Variants in NIN observed in about 807,000 individuals in gnomAD.
NIN encodes the protein glycogen synthase kinase 3 beta-interacting protein.
Under a neutral mutation model 257.6 loss-of-function variants are expected in NIN, and 137 were observed. The ratio of observed to expected loss-of-function variants is 0.53; its 90% CI spans 0.46 to 0.61. The LOEUF (loss-of-function observed/expected upper bound fraction) is 0.61. Among genes scored for constraint, NIN ranks in the 20% least tolerant of loss-of-function variants. NIN has a pLI of 0.00. For missense variants in NIN, 2,439 were observed against 2,501.2 expected (o/e 0.98, Z 0.53); for synonymous variants, 918 against 919.8 (o/e 1.00, Z 0.04).
At chr14:50,749,606 CTTCAT>C (rs2041701400) in intron 21 of NIN, among the ~76,000 whole-genome samples, 1 of 152,070 alleles carries the variant, frequency 6.6e-6, no homozygotes. Context: ...CTATTTTCTT[CTTCAT>C]TTATTAATTG....
rs1045614422 is a variant in NIN, at chr14:50,763,907, C to T, written c.1693G>A (p.Gly565Ser). 6.2e-7 allele frequency: 1 copy of T among 1,614,048 alleles called. No homozygotes were observed. Among genetic ancestry groups the T allele is most frequent in the South Asian group, 1.1e-5 (1 of 91,082 alleles). The change falls in exon 15 of 31, where the codon GGC becomes AGC. Residue 565 changes from glycine (G) to serine (S), a missense_variant. Gly to Ser is a moderately conservative substitution (Grantham distance 56). Coordinates refer to ENST00000530997, the MANE Select transcript of NIN (RefSeq NM_020921.4). Reference sequence around the variant, plus strand: ...TTCAACGGAAGCCTGAGCACTCTGCCTTGTGCACGATATTCTTCCAGCTCA... The same window carrying T: ...TTCAACGGAAGCCTGAGCACTCTGCTTTGTGCACGATATTCTTCCAGCTCA... ...QSELEEYRAQ[G>S]RVLRLPLKNS... is the part of the protein sequence containing the mutation.
intron 24 of NIN, among the ~76,000 whole-genome samples, chr14:50,742,605 A>G (rs1028105476): frequency 1.2e-4 from 18 of 152,054 alleles, no homozygotes; most frequent in African/African-American, 4.1e-4. Flanking sequence ...TGTGTTAGCC[A>G]GGATGGTCTT....
intron 5 of NIN, among the ~76,000 whole-genome samples, chr14:50,781,792 T>C (rs558883723): frequency 5.9e-5 from 9 of 151,880 alleles, no homozygotes; most frequent in African/African-American, 1.9e-4. Context: ...GCCTGGCACA[T>C]AGTAAGCTCT....
At chr14:50,741,475 C>A in intron 25 of NIN, 107 bp downstream of exon 25, 1 of 826,126 alleles carries the variant, frequency 1.2e-6, no homozygotes, top group Non-Finnish European at 1.9e-6. Flanking sequence ...ATAAAATATG[C>A]ATATTTATAT....
chr14:50,794,491 C>G, intron 4 of NIN: 1 of 999,302 alleles, frequency 1.0e-6, no homozygotes, highest in Non-Finnish European at 1.2e-6. Flanking sequence ...GCCCAGACAC[C>G]CGAGCTACTT....
At position 50,743,477 on chromosome 14, in the gene NIN, T is replaced by C. The variant is rs769033630; in HGVS notation, c.5240A>G (p.Gln1747Arg). The C allele has an allele frequency of 6.2e-7, 1 of 1,613,938 alleles. No individual in the cohort carries two copies. Among genetic ancestry groups the C allele is most frequent in the Admixed American group, 1.7e-5 (1 of 60,022 alleles). ...EHRIATMKQEQKSWEHQSASL... is the reference protein window; with the variant it reads ...EHRIATMKQERKSWEHQSASL... ...CGCACTCTGATGTTCCCAGGATTTCTGTTCCTGCTTCATCGTCGCAATTCT... is the reference window on the plus strand; with the variant it reads ...CGCACTCTGATGTTCCCAGGATTTCCGTTCCTGCTTCATCGTCGCAATTCT... Residue 1747 changes from glutamine (Q) to arginine (R), a missense_variant, in exon 24 of 31, where the codon CAG (glutamine) becomes CGG (arginine). Transcript: ENST00000530997.
At chr14:50,787,671 C>G (rs146966709) in intron 5 of NIN, among the ~76,000 whole-genome samples, 161 of 152,342 alleles carry the variant, frequency 1.1e-3, no homozygotes, top group African/African-American at 3.6e-3. Context: ...AGAGGTCAGA[C>G]TCCCAAGGGA....
In NIN at chr14:50,763,929, C is replaced by G. The variant is rs748080540; in HGVS notation, c.1671G>C (p.Glu557Asp). The part of the protein sequence containing the change: ...LQDQVDELQS[E>D]LEEYRAQGRV... ...TGCCTTGTGCACGATATTCTTCCAG[C>G]TCAGACTGGAGTTCATCTACTTGGT... Residue 557 changes from glutamate to aspartate, a missense_variant, in exon 15 of 31, where the codon GAG becomes GAC. By Grantham distance (45) the Glu-to-Asp change is conservative. This residue lies in a region of NIN where 2,043 missense variants were observed against 2,050.2 expected (regional missense o/e 1.00). Coordinates refer to ENST00000530997, the MANE Select transcript of NIN (RefSeq NM_020921.4). The G allele has an allele frequency of 2.8e-5, 45 of 1,613,990 alleles. No individual in the cohort carries two copies. The highest frequency in any genetic ancestry group is 3.6e-5 in the Non-Finnish European group (43 of 1,179,986).
At chr14:50,811,544 C>CTTT (rs55734117) in intron 3 of NIN, among the ~76,000 whole-genome samples, 5,353 of 75,256 alleles carry the variant, frequency 0.071, 317 homozygotes, top group Non-Finnish European at 0.093. Context: ...AATGGTCAAG[C>CTTT]TTTTTTTTTT....
chr14:50,802,129 TCCAG>T (rs1301656342), intron 4 of NIN, among the ~76,000 whole-genome samples: 2 of 152,142 alleles, frequency 1.3e-5, no homozygotes, highest in African/African-American at 2.4e-5. Flanking sequence ...CCTCTCCTAT[TCCAG>T]AAAAATAATT....
At chr14:50,726,092 C>A in intron 29 of NIN, 26 bp from the exon 30 acceptor site, 3 of 1,555,442 alleles carry the variant, frequency 1.9e-6, no homozygotes, top group South Asian at 1.1e-5. Flanking sequence ...GTATATTATT[C>A]GAAAATCATG....
At chr14:50,807,788 T>C (rs1429200302) in intron 3 of NIN, among the ~76,000 whole-genome samples, 1 of 152,218 alleles carries the variant, frequency 6.6e-6, no homozygotes, top group East Asian at 1.9e-4. Context: ...AAAAATCATA[T>C]CATGTCTTAT....
intron 29 of NIN, chr14:50,727,670 A>G (rs1340397181): frequency 6.9e-7 from 1 of 1,442,174 alleles, no homozygotes; most frequent in African/African-American, 1.4e-5. Context: ...AAGAAATGCC[A>G]TCAATAGCAG....
chr14:50,757,704 T>A lies in NIN; in HGVS notation c.3326A>T (p.Asp1109Val). 1.9e-6 allele frequency: 3 copies of A among 1,614,184 alleles called. No individual in the cohort carries two copies. The highest frequency in any genetic ancestry group is 2.5e-6 in the Non-Finnish European group (3 of 1,180,032). The change falls in exon 18 of 31, where the codon GAT (aspartate) becomes GTT (valine). Residue 1109 changes from aspartate to valine, a missense_variant. Around this residue, in one of 3 missense-constraint regions of NIN, gnomAD observed 2,043 missense variants for 2,050.2 expected, o/e 1.00. Transcript: ENST00000530997. ...EPGLVMSSCL[D>V]EPATEFFGNT... ...TCCAAAAAACTCAGTAGCTGGCTCA[T>A]CCAAACAAGAAGACATTACTAACCC...
rs1381715251 is a variant in NIN at position 50,721,835 on chromosome 14, G to GGGTTGACC, written c.*1620_*1627dup. On this transcript the variant is annotated 3_prime_UTR_variant, in exon 31 of 31. Transcript: ENST00000530997. ...CAAGGCTCTTGTAGTGAGGCCTCCT[G>GGGTTGACC]GGTTGACCGGTGAGACTCATAAGCC... 2.7e-5 allele frequency: 6 copies of GGGTTGACC among 223,688 alleles called. No individual in the cohort carries two copies. Among genetic ancestry groups the GGGTTGACC allele is most frequent in the African/African-American group, 1.3e-4 (6 of 44,786 alleles). The allele number at this position is 223,688 out of a possible 1,614,324, so 13.9% of individuals were successfully genotyped here.
rs1236499937 is a variant in NIN at position 50,758,408 on chromosome 14, C to G, written c.2622G>C (p.Glu874Asp). 6.2e-7 allele frequency: 1 copy of G among 1,614,038 alleles called. No individual in the cohort carries two copies. The highest frequency in any genetic ancestry group is 2.2e-5 in the East Asian group (1 of 44,890). The change falls in exon 18 of 31, where the codon GAG (glutamate) becomes GAC (aspartate). Residue 874 changes from glutamate to aspartate, a missense_variant. Physicochemically the swap from Glu to Asp is conservative, Grantham distance 45 (BLOSUM62 2). Coordinates refer to ENST00000530997, the MANE Select transcript of NIN (RefSeq NM_020921.4). ...ELTQECAEAQ[E>D]LLKETLKREK... ...CTCTCTTAAGAGTCTCTTTCAGCAG[C>G]TCCTGGGCTTCCGCACACTCCTGGG... is the stretch of plus-strand genomic sequence containing the variant.
rs201843177 is a variant in NIN at position 50,770,905 on chromosome 14, C to T, written c.1206G>A (p.Ser402=). The change falls in exon 11 of 31, where the codon TCG becomes TCA. Residue 402 remains serine, a synonymous_variant. Coordinates refer to ENST00000530997, the MANE Select transcript of NIN (RefSeq NM_020921.4). ...TGGCCGCATGGTGATCATCCACCTC[C>T]GAGGCCATTAAAGACTTGAGCTTCT... The part of the protein sequence containing the change: ...KAEKLKSLMA[S]EVDDHHAAIE... 79 of 1,614,140 alleles carry T rather than the reference C, an allele frequency of 4.9e-5. No individual in the cohort carries two copies. In the East Asian group the frequency reaches 1.5e-3, roughly 31 times the overall value.
intron 3 of NIN, among the ~76,000 whole-genome samples, chr14:50,808,455 G>A (rs2044431715): frequency 6.6e-6 from 1 of 152,176 alleles, no homozygotes; most frequent in Admixed American, 6.5e-5. Context: ...GACACACAAA[G>A]GCTTTATAGC....
Position 50,758,579 on chromosome 14 carries a change from C to T in NIN, c.2451G>A (p.Gln817=), listed in dbSNP as rs2042140900. 6.2e-7 allele frequency: 1 copy of T among 1,604,048 alleles called. No individual in the cohort carries two copies. Among genetic ancestry groups the T allele is most frequent in the Admixed American group, 1.7e-5 (1 of 57,384 alleles). ...TGACTTTCTGACAATCAGACTGAAA[C>T]TGGGCTTCTATTTGAGAGGTTCTTC... ...CNRRTSQIEA[Q]FQSDCQKVTE... is the part of the protein sequence containing the mutation. Residue 817 remains glutamine, a synonymous_variant, in exon 18 of 31, where the codon CAG becomes CAA. Transcript: ENST00000530997.
Sources: gnomAD v4.1 joint callset for allele counts (sites outside exome capture counted in the v4.1 genomes callset) on GRCh38, gnomAD v4.1.1 for gene constraint, gnomAD v4.1.1 regional missense constraint, MANE v1.5 for transcripts, NCBI Gene and HGNC (gene_info 2026-07-23, HGNC 2026-07-21) for gene names.